Variants in SCFD2 observed in about 807,000 individuals in gnomAD.
The protein encoded by SCFD2 is sec1 family domain containing 2.
In SCFD2, 54 loss-of-function variants were observed where a neutral mutation model predicts 58.9. The ratio of observed to expected loss-of-function variants is 0.92; its 90% CI spans 0.74 to 1.15. The LOEUF (loss-of-function observed/expected upper bound fraction) is 1.15. SCFD2 is among the 50% of genes most tolerant of loss of function. The pLI, the probability that SCFD2 is intolerant of heterozygous loss-of-function variation, is 0.00. For missense variants in SCFD2, 805 were observed against 836.6 expected (o/e 0.96, Z 0.47); for synonymous variants, 321 against 335.9 (o/e 0.96, Z 0.49).
chr4:53,197,507 A>AT (rs763617441), intron 4 of SCFD2, among the ~76,000 whole-genome samples: 1 of 152,080 alleles, frequency 6.6e-6, no homozygotes, highest in Non-Finnish European at 1.5e-5. Flanking sequence ...AAAATTTCAG[A>AT]TTTTTTCCCC....
chr4:53,125,900 T>C (rs571778136), intron 5 of SCFD2, among the ~76,000 whole-genome samples: 9 of 151,810 alleles, frequency 5.9e-5, no homozygotes, highest in Admixed American at 5.9e-4. Flanking sequence ...TTGGGAAGAG[T>C]ATGGGAGAGC....
At chr4:52,917,259 T>C (rs551421567) in intron 6 of SCFD2, among the ~76,000 whole-genome samples, 94 of 152,290 alleles carry the variant, frequency 6.2e-4, no homozygotes, top group African/African-American at 2.2e-3. Flanking sequence ...AGCATTTTTA[T>C]GAGAGAGCAA....
chr4:53,081,179 TG>T (rs1473269693), intron 5 of SCFD2, among the ~76,000 whole-genome samples: 1 of 152,186 alleles, frequency 6.6e-6, no homozygotes, highest in Non-Finnish European at 1.5e-5. Flanking sequence ...TCTAGGTAAT[TG>T]TTGTATAATC....
intron 2 of SCFD2, 60 bp from the exon 3 acceptor site, chr4:53,313,823 T>C (rs760061551): frequency 2.9e-5 from 44 of 1,533,202 alleles, no homozygotes; most frequent in Non-Finnish European, 3.4e-5. Context: ...TGGAAAGGGT[T>C]GAAAGCAAAA....
chr4:53,104,959 T>G (rs76360864), intron 5 of SCFD2, among the ~76,000 whole-genome samples: 2,561 of 151,894 alleles, frequency 0.017, 76 homozygotes, highest in African/African-American at 0.059. Context: ...AAAAGGAAGG[T>G]GATTTCTGCA....
At chr4:53,002,431 C>T (rs1721883052) in intron 5 of SCFD2, among the ~76,000 whole-genome samples, 1 of 152,076 alleles carries the variant, frequency 6.6e-6, no homozygotes, top group Non-Finnish European at 1.5e-5. Context: ...ATCTTTCTTC[C>T]TACTATGAAC....
chr4:53,185,253 G>A (rs1727702739), intron 4 of SCFD2, among the ~76,000 whole-genome samples: 1 of 151,996 alleles, frequency 6.6e-6, no homozygotes, highest in Non-Finnish European at 1.5e-5. Flanking sequence ...ATGCCCTTAG[G>A]TTGTAGTAAA....
chr4:53,153,554 G>C (rs1482725798), intron 4 of SCFD2, among the ~76,000 whole-genome samples: 3 of 152,160 alleles, frequency 2.0e-5, no homozygotes, highest in Non-Finnish European at 4.4e-5. Flanking sequence ...AATGAGAGGG[G>C]CTGCAAAGGA....
At chr4:52,883,094 C>T (rs573418143) in intron 8 of SCFD2, among the ~76,000 whole-genome samples, 11 of 152,172 alleles carry the variant, frequency 7.2e-5, no homozygotes, top group African/African-American at 2.4e-4. Flanking sequence ...CATGTGTTCT[C>T]GAACAGAAGT....
chr4:53,264,681 T>C (rs1480967973), intron 4 of SCFD2, among the ~76,000 whole-genome samples: 6 of 152,228 alleles, frequency 3.9e-5, no homozygotes, highest in East Asian at 1.9e-4. Flanking sequence ...TGAGAGCTAA[T>C]AGAGGCACTA....
chr4:53,353,238 T>A (rs1217321442), intron 1 of SCFD2, among the ~76,000 whole-genome samples: 5 of 151,938 alleles, frequency 3.3e-5, no homozygotes, highest in African/African-American at 1.2e-4. Flanking sequence ...GTTACAGCTC[T>A]TAAGGCAGCG....
intron 5 of SCFD2, among the ~76,000 whole-genome samples, chr4:53,077,116 G>T (rs977000367): frequency 3.9e-5 from 6 of 152,076 alleles, no homozygotes; most frequent in Non-Finnish European, 5.9e-5. Flanking sequence ...TATAAATATA[G>T]GTTATGAGCC....
chr4:53,155,249 T>C (rs1303765742), intron 4 of SCFD2, among the ~76,000 whole-genome samples: 7 of 152,160 alleles, frequency 4.6e-5, no homozygotes. Flanking sequence ...GAAATTTAAT[T>C]GCTATTGTAA....
intron 4 of SCFD2, among the ~76,000 whole-genome samples, chr4:53,188,418 GGTGTGTGTGTGTGTGTGTGTGT>G (rs56120914): frequency 3.5e-5 from 5 of 143,560 alleles, no homozygotes; most frequent in Admixed American, 2.1e-4. Context: ...CTTCAAAACT[GGTGTGTGTGTGTGTGTGTGTGT>G]GTGTGTGTGT....
intron 5 of SCFD2, among the ~76,000 whole-genome samples, chr4:53,064,358 T>G (rs975761037): frequency 1.3e-5 from 2 of 152,112 alleles, no homozygotes; most frequent in African/African-American, 4.8e-5. Flanking sequence ...AATACTTGAA[T>G]GCAATAGACT....
At chr4:53,056,681 G>T (rs568426488) in intron 5 of SCFD2, among the ~76,000 whole-genome samples, 1 of 152,104 alleles carries the variant, frequency 6.6e-6, no homozygotes, top group South Asian at 2.1e-4. Flanking sequence ...TAATTGTTCA[G>T]TTTCTCTAGT....
chr4:53,129,005 C>T (rs566926969), intron 5 of SCFD2, among the ~76,000 whole-genome samples: 2 of 152,230 alleles, frequency 1.3e-5, no homozygotes, highest in South Asian at 4.1e-4. Flanking sequence ...ACTACCACAA[C>T]ACAAATAAGG....
At chr4:53,332,067 T>C (rs1178814141) in intron 2 of SCFD2, among the ~76,000 whole-genome samples, 1 of 152,192 alleles carries the variant, frequency 6.6e-6, no homozygotes, top group Non-Finnish European at 1.5e-5. Context: ...AATCTCTGAA[T>C]AGACCAATAA....
intron 4 of SCFD2, among the ~76,000 whole-genome samples, chr4:53,247,178 G>C (rs1029878844): frequency 3.9e-5 from 6 of 152,140 alleles, no homozygotes; most frequent in African/African-American, 9.7e-5. Context: ...GTGATCATTA[G>C]AGAAATGCAA....
Sources: gnomAD v4.1 joint callset for allele counts (sites outside exome capture counted in the v4.1 genomes callset) on GRCh38, gnomAD v4.1.1 for gene constraint, MANE v1.5 for transcripts, NCBI Gene and HGNC (gene_info 2026-07-23, HGNC 2026-07-21) for gene names.